Variants in AKR1C8 observed in about 807,000 individuals in gnomAD.
AKR1C8 encodes the protein aldo-keto reductase family 1 member C-like protein 1.
At chr10:5,176,337 ATC>A in the AKR1C8 span, among the ~76,000 whole-genome samples, 30 of 137,806 alleles carry the variant, frequency 2.2e-4, 1 homozygote, top group African/African-American at 7.6e-4. Flanking sequence ...ACTGATCTAT[ATC>A]TCTGTTTTGG....
At chr10:5,126,518 C>T in the AKR1C8 span, among the ~76,000 whole-genome samples, 3 of 152,220 alleles carry the variant, frequency 2.0e-5, no homozygotes, top group African/African-American at 7.2e-5. Context: ...CTCCCAACCA[C>T]ATTGGGTACT....
chr10:5,158,789 T>C, the AKR1C8 span: 1 of 460,284 alleles, frequency 2.2e-6, no homozygotes, highest in Non-Finnish European at 4.4e-6. Context: ...TCTGAAGGAA[T>C]GTGTAATACT....
the AKR1C8 span, among the ~76,000 whole-genome samples, chr10:5,150,578 A>T: frequency 1.3e-5 from 2 of 152,106 alleles, no homozygotes; most frequent in Non-Finnish European, 2.9e-5. Flanking sequence ...TAGGAGCCCT[A>T]ATATTTGTGA....
At chr10:5,147,549 T>C in the AKR1C8 span, among the ~76,000 whole-genome samples, 4 of 148,792 alleles carry the variant, frequency 2.7e-5, no homozygotes, top group African/African-American at 1.0e-4. Context: ...AAAAAAAAAA[T>C]GGTGTGGGTA....
At chr10:5,123,405 G>C in the AKR1C8 span, 1 of 357,008 alleles carries the variant, frequency 2.8e-6, no homozygotes, top group African/African-American at 2.1e-5. Flanking sequence ...CAAATAACTG[G>C]GTCCTCCAAA....
chr10:5,133,312 C>A, the AKR1C8 span, among the ~76,000 whole-genome samples: 1 of 152,206 alleles, frequency 6.6e-6, no homozygotes, highest in East Asian at 1.9e-4. Context: ...TGCCCAGGCT[C>A]AAGCTCCCAA....
chr10:5,147,364 C>T, the AKR1C8 span, among the ~76,000 whole-genome samples: 9 of 152,066 alleles, frequency 5.9e-5, no homozygotes, highest in Non-Finnish European at 1.3e-4. Context: ...AGCATTCTTC[C>T]CCTGGCCCAG....
At chr10:5,169,067 C>T in the AKR1C8 span, among the ~76,000 whole-genome samples, 1 of 112,534 alleles carries the variant, frequency 8.9e-6, no homozygotes, top group Non-Finnish European at 2.1e-5. Context: ...GCACTGACAT[C>T]AAAAGGAAAC....
the AKR1C8 span, among the ~76,000 whole-genome samples, chr10:5,143,843 G>A: frequency 1.3e-5 from 2 of 151,276 alleles, no homozygotes; most frequent in African/African-American, 4.8e-5. Context: ...TTTATACTGA[G>A]TTTTCTGAAT....
chr10:5,173,164 A>G, the AKR1C8 span, among the ~76,000 whole-genome samples: 3 of 152,176 alleles, frequency 2.0e-5, no homozygotes, highest in East Asian at 1.9e-4. Flanking sequence ...GCATGCACTA[A>G]GAGTGGCAAG....
the AKR1C8 span, chr10:5,132,772 G>A: frequency 1.5e-5 from 19 of 1,303,242 alleles, no homozygotes; most frequent in South Asian, 1.0e-4. Context: ...CTAGGAACCC[G>A]GAGGAGTAAT....
chr10:5,148,262 C>T, the AKR1C8 span, among the ~76,000 whole-genome samples: 1 of 151,252 alleles, frequency 6.6e-6, no homozygotes, highest in African/African-American at 2.4e-5. Context: ...AGGGGAGAAG[C>T]AGGGAAGGAG....
the AKR1C8 span, among the ~76,000 whole-genome samples, chr10:5,147,852 C>A: frequency 2.0e-5 from 3 of 152,150 alleles, no homozygotes; most frequent in African/African-American, 7.2e-5. Context: ...GTCCTGCTCC[C>A]ACATCTCCAC....
At chr10:5,179,634 G>T in the AKR1C8 span, among the ~76,000 whole-genome samples, 7 of 141,014 alleles carry the variant, frequency 5.0e-5, no homozygotes. Context: ...CGTAGATTTG[G>T]TCTTTTCACA....
the AKR1C8 span, among the ~76,000 whole-genome samples, chr10:5,173,082 T>G: frequency 3.9e-5 from 6 of 152,138 alleles, no homozygotes; most frequent in Admixed American, 6.6e-5. Flanking sequence ...TTTTCCAAAA[T>G]GAGATTTGTG....
the AKR1C8 span, among the ~76,000 whole-genome samples, chr10:5,151,254 C>A: frequency 1.3e-3 from 205 of 152,266 alleles, 1 homozygote; most frequent in African/African-American, 4.8e-3. Flanking sequence ...AGTTCAGAAT[C>A]TTATAGCCTC....
chr10:5,147,532 T>C, the AKR1C8 span, among the ~76,000 whole-genome samples: 1 of 150,564 alleles, frequency 6.6e-6, no homozygotes, highest in Non-Finnish European at 1.5e-5. Context: ...AGGTAAAAAA[T>C]TAACCAAAAA....
chr10:5,180,745 G>C, the AKR1C8 span, among the ~76,000 whole-genome samples: 1 of 152,208 alleles, frequency 6.6e-6, no homozygotes, highest in South Asian at 2.1e-4. Context: ...TCAGACTGCT[G>C]TGCTAGCAAT....
the AKR1C8 span, among the ~76,000 whole-genome samples, chr10:5,139,753 T>C: frequency 6.6e-5 from 10 of 152,196 alleles, no homozygotes; most frequent in South Asian, 2.1e-3. Flanking sequence ...AAGGACATCA[T>C]GACTAAAACA....
Sources: gnomAD v4.1 joint callset for allele counts (sites outside exome capture counted in the v4.1 genomes callset) on GRCh38, gnomAD v4.1.1 for gene constraint, MANE v1.5 for transcripts, NCBI Gene and HGNC (gene_info 2026-07-23, HGNC 2026-07-21) for gene names.